Variants in PDSS2 observed in about 807,000 individuals in gnomAD.
PDSS2 encodes the protein decaprenyl diphosphate synthase subunit 2, also known as all trans-polyprenyl-diphosphate synthase PDSS2.
Under a neutral mutation model 44.5 loss-of-function variants are expected in PDSS2, and 31 were observed. The ratio of observed to expected loss-of-function variants is 0.70; its 90% confidence interval spans 0.52 to 0.94. PDSS2 has a LOEUF of 0.94. Ranked by LOEUF, PDSS2 falls within the 40% of genes least tolerant of loss-of-function variation. The pLI, the probability that PDSS2 is intolerant of heterozygous loss-of-function variation, is 0.00. For synonymous variants in PDSS2, 157 were observed against 180.3 expected (o/e 0.87, Z 1.03); for missense variants, 452 against 482.2 (o/e 0.94, Z 0.59).
At chr6:107,230,297 G>A (rs1773999788) in intron 4 of PDSS2, 1 of 151,534 alleles carries the variant, frequency 6.6e-6, no homozygotes. Flanking sequence ...CCAAACCTTT[G>A]CCCTCTCCAG....
At chr6:107,191,582 T>G (rs1346931326) in intron 7 of PDSS2, among the ~76,000 whole-genome samples, 1 of 152,086 alleles carries the variant, frequency 6.6e-6, no homozygotes, top group Non-Finnish European at 1.5e-5. Context: ...ATATGGACTT[T>G]GGGTGATAAC....
intron 1 of PDSS2, among the ~76,000 whole-genome samples, chr6:107,409,572 A>C (rs1780426695): frequency 6.6e-6 from 1 of 152,208 alleles, no homozygotes; most frequent in South Asian, 2.1e-4. Flanking sequence ...TTTCTGGACA[A>C]GGAGAGTCAG....
At chr6:107,413,048 GC>G (rs2114661742) in intron 1 of PDSS2, among the ~76,000 whole-genome samples, 2 of 152,200 alleles carry the variant, frequency 1.3e-5, no homozygotes, top group African/African-American at 4.8e-5. Flanking sequence ...TTTAATTGAA[GC>G]TTTAGCTTAT....
chr6:107,253,298 A>G (rs1050581845), intron 3 of PDSS2, among the ~76,000 whole-genome samples: 4 of 152,022 alleles, frequency 2.6e-5, no homozygotes, highest in African/African-American at 9.7e-5. Flanking sequence ...CGGCCTCCCA[A>G]GTGCTGGGAT....
intron 7 of PDSS2, among the ~76,000 whole-genome samples, chr6:107,179,827 A>C (rs1771910940): frequency 6.6e-6 from 1 of 152,150 alleles, no homozygotes; most frequent in Non-Finnish European, 1.5e-5. Flanking sequence ...GCTTGGAGAC[A>C]CTGCATAGGA....
chr6:107,385,916 C>T (rs1002678415), intron 1 of PDSS2, among the ~76,000 whole-genome samples: 3 of 152,030 alleles, frequency 2.0e-5, no homozygotes, highest in African/African-American at 7.2e-5. Flanking sequence ...CAGAAAAATA[C>T]AGTAACATGT....
At chr6:107,359,012 T>TTC (rs1778677619) in intron 1 of PDSS2, among the ~76,000 whole-genome samples, 2 of 144,240 alleles carry the variant, frequency 1.4e-5, no homozygotes, top group Middle Eastern at 6.9e-3. Flanking sequence ...TCGCTCTTTT[T>TTC]TTTTTTTTTT....
chr6:107,333,714 T>G (rs1777784092), intron 2 of PDSS2, among the ~76,000 whole-genome samples: 1 of 152,076 alleles, frequency 6.6e-6, no homozygotes, highest in African/African-American at 2.4e-5. Flanking sequence ...TTTTAAATTT[T>G]TTGTAGAGAT....
At chr6:107,271,798 T>C (rs1775607017) in intron 3 of PDSS2, among the ~76,000 whole-genome samples, 1 of 152,126 alleles carries the variant, frequency 6.6e-6, no homozygotes, top group Non-Finnish European at 1.5e-5. Flanking sequence ...CTCATGCCTG[T>C]AATCCCAGCA....
rs572942521 is a variant in PDSS2 at position 107,418,818 on chromosome 6, T to C, written c.296+40172A>G. Among the ~76,000 whole-genome samples, 11 of 152,206 alleles carry C rather than the reference T, an allele frequency of 7.2e-5. No individual in the cohort carries two copies. In the South Asian group the frequency reaches 2.3e-3, roughly 32 times the overall value. On this transcript the variant is annotated intron_variant, in intron 1 of 7. Transcript: ENST00000369037. ...ACAAAATAAAAATAAAGGTGTGTTG[T>C]TTTTAGCCACTAGCTTCGTGATCAT...
intron 6 of PDSS2, among the ~76,000 whole-genome samples, chr6:107,198,341 C>T (rs938583539): frequency 2.6e-5 from 4 of 152,160 alleles, no homozygotes; most frequent in African/African-American, 9.7e-5. Context: ...TAGAAGCCTA[C>T]ATAAAATGAC....
intron 7 of PDSS2, among the ~76,000 whole-genome samples, chr6:107,188,112 C>T (rs1772237974): frequency 6.6e-6 from 1 of 152,148 alleles, no homozygotes; most frequent in Non-Finnish European, 1.5e-5. Flanking sequence ...TGAGGTAGCT[C>T]ATGCCTGGAA....
chr6:107,206,351 T>C (rs897457263), intron 6 of PDSS2, among the ~76,000 whole-genome samples: 1 of 152,118 alleles, frequency 6.6e-6, no homozygotes, highest in African/African-American at 2.4e-5. Context: ...GGATTACAGG[T>C]GTGAGCCACC....
chr6:107,271,787 G>A (rs1407001583), intron 3 of PDSS2, among the ~76,000 whole-genome samples: 2 of 152,130 alleles, frequency 1.3e-5, no homozygotes, highest in African/African-American at 2.4e-5. Context: ...GGGCACAGTG[G>A]CTCATGCCTG....
At chr6:107,377,207 C>T (rs1483908872) in intron 1 of PDSS2, among the ~76,000 whole-genome samples, 1 of 150,980 alleles carries the variant, frequency 6.6e-6, no homozygotes, top group Non-Finnish European at 1.5e-5. Context: ...AAACAAACAA[C>T]CCCATCAAAA....
chr6:107,270,798 T>C (rs969213360), intron 3 of PDSS2, among the ~76,000 whole-genome samples: 2 of 152,222 alleles, frequency 1.3e-5, no homozygotes, highest in African/African-American at 2.4e-5. Flanking sequence ...TAATAGAATA[T>C]ACTTCCAAAA....
intron 1 of PDSS2, among the ~76,000 whole-genome samples, chr6:107,372,228 T>C (rs1412599918): frequency 6.6e-6 from 1 of 152,170 alleles, no homozygotes; most frequent in African/African-American, 2.4e-5. Flanking sequence ...CAGTTTTCTT[T>C]ATTTTTTTTT....
intron 1 of PDSS2, among the ~76,000 whole-genome samples, chr6:107,358,604 T>C (rs780719515): frequency 2.0e-5 from 3 of 152,172 alleles, no homozygotes; most frequent in South Asian, 2.1e-4. Context: ...GTAAAAGCCA[T>C]TGCAGAAATG....
At chr6:107,175,855 G>C (rs948693208) in intron 7 of PDSS2, among the ~76,000 whole-genome samples, 1 of 152,022 alleles carries the variant, frequency 6.6e-6, no homozygotes, top group Non-Finnish European at 1.5e-5. Flanking sequence ...AGCAAGACAG[G>C]TATTATCTCA....
Sources: allele counts gnomAD v4.1 joint callset (sites outside exome capture counted in the v4.1 genomes callset), GRCh38; gene constraint gnomAD v4.1.1; transcripts MANE v1.5; gene names NCBI Gene and HGNC (gene_info 2026-07-23, HGNC 2026-07-21).